Variants in IL1RAPL1 observed in about 807,000 individuals in gnomAD.
The protein encoded by IL1RAPL1 is interleukin-1 receptor accessory protein-like 1.
Under a neutral mutation model 48.4 loss-of-function variants are expected in IL1RAPL1, and 3 were observed. The observed-to-expected ratio is 0.06, with a 90% CI of 0.03 to 0.16. The LOEUF (loss-of-function observed/expected upper bound fraction) is 0.16, where lower values mean the gene tolerates loss of function less well. Ranked by LOEUF, IL1RAPL1 falls within the 10% of genes least tolerant of loss-of-function variation. The pLI is 1.00. For synonymous variants in IL1RAPL1, 185 were observed against 187.7 expected, an observed-to-expected ratio of 0.99 and a Z score of 0.12; for missense variants, 349 against 530.6, an observed-to-expected ratio of 0.66 and a Z score of 3.36.
intron 1 of IL1RAPL1, among the ~76,000 whole-genome samples, chrX:28,779,632 G>GTGTA (rs1485071614): frequency 1.8e-5 from 1 of 54,653 alleles, no homozygotes; most frequent in East Asian, 9.1e-4. Context: ...GTGTGTGTGT[G>GTGTA]TGTATATATA....
chrX:28,821,633 C>A (rs73630099), intron 2 of IL1RAPL1, among the ~76,000 whole-genome samples: 3,111 of 110,815 alleles, frequency 0.028, 103 homozygotes, highest in African/African-American at 0.097. Context: ...AGTAATATTA[C>A]CAAAATATTT....
At chrX:28,989,669 A>C in intron 2 of IL1RAPL1, among the ~76,000 whole-genome samples, 1 of 112,303 alleles carries the variant, frequency 8.9e-6, no homozygotes, top group East Asian at 2.8e-4. Flanking sequence ...TACGAAGCAA[A>C]ATTGTAAACA....
At chrX:28,645,245 G>A (rs1934593674) in intron 1 of IL1RAPL1, among the ~76,000 whole-genome samples, 1 of 105,448 alleles carries the variant, frequency 9.5e-6, no homozygotes, top group Non-Finnish European at 1.9e-5. Context: ...TACTCGGGAG[G>A]CTGAGGCAGG....
chrX:29,352,607 C>A (rs1933246329), intron 3 of IL1RAPL1, among the ~76,000 whole-genome samples: 1 of 105,467 alleles, frequency 9.5e-6, no homozygotes, highest in Non-Finnish European at 1.9e-5. Context: ...TTAACCAAGC[C>A]CCCACCCCCC....
chrX:29,857,865 A>G (rs1436453418), intron 6 of IL1RAPL1, among the ~76,000 whole-genome samples: 2 of 111,802 alleles, frequency 1.8e-5, no homozygotes, highest in Non-Finnish European at 1.9e-5. Context: ...TGGGAGACAA[A>G]GAGTTATTTT....
At chrX:29,854,034 T>A (rs1326608876) in intron 6 of IL1RAPL1, among the ~76,000 whole-genome samples, 1 of 112,122 alleles carries the variant, frequency 8.9e-6, no homozygotes. Flanking sequence ...TGTATCTAAC[T>A]TTTTTCCCCA....
rs1249778700 is a variant in IL1RAPL1, at chrX:29,872,996, G to T, written c.779-44468G>T. Among the ~76,000 whole-genome samples, 3 of 111,961 alleles carry T rather than the reference G, an allele frequency of 2.7e-5. No individual in the cohort carries two copies. The East Asian group carries it at 8.4e-4, about 31-fold the overall frequency. ...ACTAATTAAAACAGATAACAACAAA[G>T]CCCTTTGGTCACAGCCCACACAATC... is the stretch of plus-strand genomic sequence containing the variant. On this transcript the variant is annotated intron_variant, in intron 6 of 10. Coordinates refer to ENST00000378993, the MANE Select transcript of IL1RAPL1 (RefSeq NM_014271.4).
rs970594925 is a variant in IL1RAPL1 at position 29,899,321 on chromosome X, C to CA, written c.779-18136dup. ...TTCAAATACTTTTAAACAATAATAA[C>CA]AAAAAAATCTACTGAGCCTTTAGTT... On this transcript the variant is annotated intron_variant, in intron 6 of 10. Coordinates refer to ENST00000378993, the MANE Select transcript of IL1RAPL1 (RefSeq NM_014271.4). Among the ~76,000 whole-genome samples, 7 of 110,785 alleles carry CA rather than the reference C, an allele frequency of 6.3e-5. No individual in the cohort carries two copies. The East Asian group carries it at 1.4e-3, about 22-fold the overall frequency.
At chrX:29,099,470 C>A (rs953661084) in intron 2 of IL1RAPL1, among the ~76,000 whole-genome samples, 1 of 111,827 alleles carries the variant, frequency 8.9e-6, no homozygotes, top group Non-Finnish European at 1.9e-5. Context: ...TTGGTCCTTA[C>A]AATAACATTA....
chrX:29,393,526 CCTCT>C (rs1361149445), intron 3 of IL1RAPL1, among the ~76,000 whole-genome samples: 2 of 107,758 alleles, frequency 1.9e-5, no homozygotes, highest in Admixed American at 9.9e-5. Context: ...CTTGACCCTG[CCTCT>C]CTCTCTCTCT....
chrX:28,814,867 G>C (rs748619829), intron 2 of IL1RAPL1, among the ~76,000 whole-genome samples: 1 of 108,762 alleles, frequency 9.2e-6, no homozygotes, highest in Admixed American at 9.9e-5. Flanking sequence ...CTTGGTGGTT[G>C]CCCTAGTATT....
chrX:29,881,249 C>T (rs1329523123), intron 6 of IL1RAPL1, among the ~76,000 whole-genome samples: 5 of 111,012 alleles, frequency 4.5e-5, no homozygotes, highest in African/African-American at 1.6e-4. Context: ...ATATAGCTGA[C>T]ACCACCAAGC....
intron 6 of IL1RAPL1, among the ~76,000 whole-genome samples, chrX:29,849,012 C>T (rs1931307867): frequency 9.1e-6 from 1 of 110,247 alleles, no homozygotes; most frequent in African/African-American, 3.3e-5. Flanking sequence ...AGTGATCCAC[C>T]CACCTCAGAC....
At chrX:29,110,671 G>A (rs1400312373) in intron 2 of IL1RAPL1, among the ~76,000 whole-genome samples, 13 of 111,998 alleles carry the variant, frequency 1.2e-4, no homozygotes, top group Non-Finnish European at 5.6e-5. Flanking sequence ...TTCCGGGGGT[G>A]ATTTAACAAA....
intron 1 of IL1RAPL1, among the ~76,000 whole-genome samples, chrX:28,760,813 C>T (rs954268240): frequency 2.7e-5 from 3 of 110,753 alleles, no homozygotes; most frequent in African/African-American, 9.8e-5. Flanking sequence ...ATTGGCTGGG[C>T]GCGGTGGCTC....
chrX:29,097,973 T>C (rs762233551), intron 2 of IL1RAPL1, among the ~76,000 whole-genome samples: 2 of 111,909 alleles, frequency 1.8e-5, no homozygotes, highest in African/African-American at 3.2e-5. Flanking sequence ...ATGTATGGAT[T>C]TATAAAAGTT....
chrX:29,180,788 A>T (rs964306292), intron 2 of IL1RAPL1, among the ~76,000 whole-genome samples: 3 of 111,936 alleles, frequency 2.7e-5, no homozygotes, highest in African/African-American at 9.7e-5. Flanking sequence ...TAATCCAAAC[A>T]TAATTCCTTT....
intron 2 of IL1RAPL1, among the ~76,000 whole-genome samples, chrX:29,247,549 G>A (rs944521934): frequency 1.8e-5 from 2 of 111,926 alleles, no homozygotes; most frequent in Non-Finnish European, 3.8e-5. Flanking sequence ...ACTTTGGGAG[G>A]CTGAAGCAGG....
At chrX:29,641,569 G>A (rs768016126) in intron 5 of IL1RAPL1, among the ~76,000 whole-genome samples, 1 of 111,855 alleles carries the variant, frequency 8.9e-6, no homozygotes, top group East Asian at 2.8e-4. Context: ...CTCTTATTCT[G>A]CTATATTTTC....
Sources: allele counts gnomAD v4.1 joint callset (sites outside exome capture counted in the v4.1 genomes callset), GRCh38; gene constraint gnomAD v4.1.1; transcripts MANE v1.5; gene names NCBI Gene and HGNC (gene_info 2026-07-23, HGNC 2026-07-21).